XPO4: variants seen among roughly 807,000 people sequenced by gnomAD.
The protein encoded by XPO4 is exportin-4.
XPO4 carries 39 observed loss-of-function variants against 143.0 expected under a neutral mutation model. That is an observed-to-expected ratio of 0.27 (90% CI 0.21 to 0.36). The LOEUF (loss-of-function observed/expected upper bound fraction) is 0.36. Ranked by LOEUF, XPO4 falls within the 10% of genes least tolerant of loss-of-function variation. XPO4 has a pLI of 1.00. For missense variants in XPO4, 907 were observed against 1,348.0 expected, an observed-to-expected ratio of 0.67 and a Z score of 5.12; for synonymous variants, 439 against 474.0, an observed-to-expected ratio of 0.93 and a Z score of 0.96.
chr13:20,889,241 A>G (rs1443130710), intron 1 of XPO4, among the ~76,000 whole-genome samples: 3 of 152,214 alleles, frequency 2.0e-5, no homozygotes, highest in African/African-American at 7.2e-5. Flanking sequence ...GCGCATGGCT[A>G]GTAATTATCA....
At chr13:20,824,429 G>A (rs1010040771) in intron 7 of XPO4, among the ~76,000 whole-genome samples, 1 of 151,972 alleles carries the variant, frequency 6.6e-6, no homozygotes, top group African/African-American at 2.4e-5. Flanking sequence ...GTCTCGAAGC[G>A]AGCAATCAGA....
chr13:20,892,902 A>T (rs908345521), intron 1 of XPO4, among the ~76,000 whole-genome samples: 2 of 151,768 alleles, frequency 1.3e-5, no homozygotes, highest in Admixed American at 1.3e-4. Context: ...AAAAAAAAAA[A>T]TAAAAGAACT....
chr13:20,868,036 T>G (rs147834542), intron 2 of XPO4, among the ~76,000 whole-genome samples: 2 of 152,294 alleles, frequency 1.3e-5, no homozygotes, highest in African/African-American at 4.8e-5. Flanking sequence ...TCTGTACATG[T>G]CAGACATAAG....
intron 1 of XPO4, among the ~76,000 whole-genome samples, chr13:20,893,770 A>G (rs2060542000): frequency 6.6e-6 from 1 of 151,460 alleles, no homozygotes. Flanking sequence ...CTGTCTCAAA[A>G]AAAAAAAAAA....
At chr13:20,843,390 T>C (rs780378730) in intron 5 of XPO4, among the ~76,000 whole-genome samples, 1 of 152,190 alleles carries the variant, frequency 6.6e-6, no homozygotes, top group Admixed American at 6.5e-5. Context: ...AAACAATACA[T>C]ACAAGACAAA....
intron 1 of XPO4, among the ~76,000 whole-genome samples, chr13:20,893,509 G>A (rs1340506170): frequency 1.3e-5 from 2 of 152,138 alleles, no homozygotes; most frequent in African/African-American, 2.4e-5. Flanking sequence ...GGAGGCCGAG[G>A]TGGGAGGATC....
In XPO4 at chr13:20,777,646, T is replaced by C. The variant is rs2059101788; in HGVS notation, c.*6076A>G. 6.6e-6 allele frequency: 1 copy of C among 152,168 alleles called. No homozygotes were observed. The highest frequency in any genetic ancestry group is 2.1e-4 in the South Asian group (1 of 4,826). 9.4% of individuals were successfully genotyped at this position (152,168 alleles called of 1,614,324 possible). On this transcript the variant is annotated 3_prime_UTR_variant, in exon 23 of 23. Coordinates refer to ENST00000255305, the MANE Select transcript of XPO4 (RefSeq NM_022459.5). ...ATCTTGGGCTTTCTTAAAGGTGTAT[T>C]TGAAGCCTAAGATTAGGCAGAAATG... is the stretch of plus-strand genomic sequence containing the variant.
intron 9 of XPO4, among the ~76,000 whole-genome samples, chr13:20,813,957 C>CAA (rs557631755): frequency 1.0e-4 from 9 of 89,856 alleles, no homozygotes; most frequent in East Asian, 3.4e-4. Flanking sequence ...GACGCTGTCT[C>CAA]AAAAAAAAAA....
At chr13:20,895,631 C>CA (rs5802090) in intron 1 of XPO4, among the ~76,000 whole-genome samples, 30 of 145,148 alleles carry the variant, frequency 2.1e-4, no homozygotes, top group African/African-American at 2.5e-4. Flanking sequence ...GACTCTGTCT[C>CA]AAAAAAAAAA....
Position 20,787,590 on chromosome 13 carries a change from G to A in XPO4, c.3056C>T (p.Ser1019Leu), listed in dbSNP as rs1454762166. The change falls in exon 21 of 23, where the codon TCG (serine) becomes TTG (leucine). Residue 1019 changes from serine to leucine, a missense_variant. Coordinates refer to ENST00000255305, the MANE Select transcript of XPO4 (RefSeq NM_022459.5). Reference sequence around the variant, plus strand: ...CTCCAGGCAAAGCTGGCAAACCTCCGAACTCATTCTGATCATGAAGGTCAA... The same window carrying A: ...CTCCAGGCAAAGCTGGCAAACCTCCAAACTCATTCTGATCATGAAGGTCAA... Reference protein sequence around the residue: ...SLELGMTSMSSEVCQLCLEAL... With the variant: ...SLELGMTSMSLEVCQLCLEAL... 6.2e-6 allele frequency: 10 copies of A among 1,614,076 alleles called. No homozygotes were observed. The highest frequency in any genetic ancestry group is 7.6e-6 in the Non-Finnish European group (9 of 1,179,922).
intron 1 of XPO4, among the ~76,000 whole-genome samples, chr13:20,898,245 C>A (rs78111893): frequency 0.051 from 7,752 of 152,240 alleles, 318 homozygotes; most frequent in East Asian, 0.13. Context: ...TGGATTTACA[C>A]TCACTAAATC....
intron 9 of XPO4, among the ~76,000 whole-genome samples, chr13:20,814,920 C>T (rs912282986): frequency 3.3e-4 from 50 of 152,126 alleles, no homozygotes; most frequent in Admixed American, 2.2e-3. Flanking sequence ...AAATCTTTTA[C>T]GTTTTGGTAA....
chr13:20,820,708 T>C (rs1045985075), intron 9 of XPO4, among the ~76,000 whole-genome samples: 4 of 152,238 alleles, frequency 2.6e-5, no homozygotes, highest in African/African-American at 7.2e-5. Context: ...GTATAAACAC[T>C]TGTCTGACCT....
In XPO4 at chr13:20,777,604, G is replaced by T. The variant is rs965184129; in HGVS notation, c.*6118C>A. On this transcript the variant is annotated 3_prime_UTR_variant, in exon 23 of 23. Coordinates refer to ENST00000255305, the MANE Select transcript of XPO4 (RefSeq NM_022459.5). Reference sequence around the variant, plus strand: ...TTATAAACAGGTGTACAAATAAGAAGTTCTACTACTCAATACATCTTGGGC... The same window carrying T: ...TTATAAACAGGTGTACAAATAAGAATTTCTACTACTCAATACATCTTGGGC... The T allele has an allele frequency of 6.6e-6, 1 of 152,158 alleles. No individual in the cohort carries two copies. The highest frequency in any genetic ancestry group is 2.1e-4 in the South Asian group (1 of 4,830). The allele number at this position is 152,158 out of a possible 1,614,324, so 9.4% of individuals were successfully genotyped here.
rs1431267807 is a variant in XPO4 at position 20,781,659 on chromosome 13, A to G, written c.*2063T>C. 1 of 151,524 alleles carries G rather than the reference A, an allele frequency of 6.6e-6. No homozygotes were observed. The highest frequency in any genetic ancestry group is 1.5e-5 in the Non-Finnish European group (1 of 67,898). 9.4% of individuals were successfully genotyped at this position (151,524 alleles called of 1,614,324 possible). On this transcript the variant is annotated 3_prime_UTR_variant, in exon 23 of 23. Coordinates refer to ENST00000255305, the MANE Select transcript of XPO4 (RefSeq NM_022459.5). ...TTACTTACCAAGGCATTCCTTTCCC[A>G]CTCCTCTTTAGTTTTAATAACTTGA...
intron 18 of XPO4, among the ~76,000 whole-genome samples, chr13:20,793,605 G>C (rs952165889): frequency 1.1e-4 from 17 of 152,078 alleles, no homozygotes; most frequent in African/African-American, 4.1e-4. Context: ...TCAGGCTGGA[G>C]TGCTGTAGCA....
rs549607725 is a variant in XPO4 at position 20,799,550 on chromosome 13, A to G, written c.2148-211T>C. 2.6e-5 allele frequency among the ~76,000 whole-genome samples: 4 copies of G among 152,350 alleles called. No individual in the cohort carries two copies. In the South Asian group the frequency reaches 6.2e-4, roughly 24 times the overall value. On this transcript the variant is annotated intron_variant, in intron 15 of 22. Transcript: ENST00000255305. ...GTGATGTAAAATTTATTTAACCTCTATCAATCATCACTTCTCTATAATCTG... is the reference window on the plus strand; with the variant it reads ...GTGATGTAAAATTTATTTAACCTCTGTCAATCATCACTTCTCTATAATCTG...
chr13:20,856,522 C>A, intron 3 of XPO4: 1 of 253,456 alleles, frequency 3.9e-6, no homozygotes, highest in Non-Finnish European at 6.2e-6. Flanking sequence ...CTCTGGAATC[C>A]CACAAAGATA....
chr13:20,857,809 T>G (rs1190669033), intron 3 of XPO4: 2 of 978,052 alleles, frequency 2.0e-6, no homozygotes, highest in African/African-American at 3.5e-5. Flanking sequence ...GTGGCAGAAG[T>G]AGGGTGCAAA....
Sources: gnomAD v4.1 joint callset for allele counts (sites outside exome capture counted in the v4.1 genomes callset) on GRCh38, gnomAD v4.1.1 for gene constraint, MANE v1.5 for transcripts, NCBI Gene and HGNC (gene_info 2026-07-23, HGNC 2026-07-21) for gene names.